The following TGM1 variants were observed in gnomAD, a reference collection of about 807,000 sequenced individuals.
TGM1 encodes the protein protein-glutamine gamma-glutamyltransferase K.
In TGM1, 63 loss-of-function variants were observed where a neutral mutation model predicts 88.7. The observed-to-expected ratio is 0.71, with a 90% confidence interval of 0.58 to 0.88. The LOEUF (loss-of-function observed/expected upper bound fraction) is 0.88, where lower values mean the gene tolerates loss of function less well. Ranked by LOEUF, TGM1 falls within the 40% of genes least tolerant of loss-of-function variation. TGM1 has a pLI of 0.00. For synonymous variants in TGM1, 415 were observed against 431.1 expected (o/e 0.96, Z 0.46); for missense variants, 996 against 1,118.0 (o/e 0.89, Z 1.56).
Position 24,255,067 on chromosome 14 carries a change from T to G in TGM1, c.1832A>C (p.Lys611Thr). The change falls in exon 12 of 15, where the codon AAA becomes ACA. Residue 611 changes from lysine to threonine, a missense_variant. Coordinates refer to ENST00000206765, the MANE Select transcript of TGM1 (RefSeq NM_000359.3). The surrounding 1 kb of genome is among the most constrained non-coding windows in gnomAD (Gnocchi z 4.0). ...AGTGACTGAGAGGTAGAGGTGCAGT[T>G]TCACTGTGCGGCGGCTGCTGCTGTG... ...INHSSSRRTVKLHLYLSVTFY... is the reference protein window; with the variant it reads ...INHSSSRRTVTLHLYLSVTFY... 1 of 1,614,116 alleles carries G rather than the reference T, an allele frequency of 6.2e-7. No homozygotes were observed. Among genetic ancestry groups the G allele is most frequent in the Non-Finnish European group, 8.5e-7 (1 of 1,180,028 alleles).
rs201774398 is a variant in TGM1, at chr14:24,262,288, G to A, written c.65C>T (p.Thr22Met). The change falls in exon 2 of 15, where the codon ACG becomes ATG. Residue 22 changes from threonine (T) to methionine (M), a missense_variant. Coordinates refer to ENST00000206765, the MANE Select transcript of TGM1 (RefSeq NM_000359.3). ...CTCTGGCTCTGGCTCTGGAGATGGC[G>A]TGGTAGGGGGCTGCAAGGGGTTGCC... ...WGGNPLQPPT[T>M]PSPEPEPEPD... 36 of 1,613,576 alleles carry A rather than the reference G, an allele frequency of 2.2e-5. No individual in the cohort carries two copies. Among genetic ancestry groups the A allele is most frequent in the Middle Eastern group, 3.3e-4 (2 of 6,084 alleles).
rs2040785658 is a variant in TGM1 at position 24,259,395 on chromosome 14, C to T, written c.985-146G>A. The T allele has an allele frequency of 1.2e-6, 1 of 822,894 alleles. No individual in the cohort carries two copies. Among genetic ancestry groups the T allele is most frequent in the East Asian group, 2.7e-5 (1 of 37,634 alleles). The allele number at this position is 822,894 out of a possible 1,614,324, so 51.0% of individuals were successfully genotyped here. ...GATCCAGACACCAGCCTGAGCTCCACCCAGCCCTTCCCTCAGCCATCTGCC... is the reference window on the plus strand; with the variant it reads ...GATCCAGACACCAGCCTGAGCTCCATCCAGCCCTTCCCTCAGCCATCTGCC... On this transcript the variant is annotated intron_variant, in intron 6 of 14. Coordinates refer to ENST00000206765, the MANE Select transcript of TGM1 (RefSeq NM_000359.3). This position sits in a 1 kb window ranked among gnomAD's most constrained non-coding sequence, Gnocchi z 5.7.
In TGM1 at chr14:24,259,652, G is replaced by C. The variant is rs962007306; in HGVS notation, c.984+52C>G. 8.2e-6 allele frequency: 12 copies of C among 1,465,134 alleles called. No homozygotes were observed. The African/African-American group carries it at 1.5e-4, about 19-fold the overall frequency. The allele number at this position is 1,465,134 out of a possible 1,614,324, so 90.8% of individuals were successfully genotyped here. A position where few individuals can be genotyped will look rare whatever the true frequency, so the allele number is the denominator to read the frequency against. On this transcript the variant is annotated intron_variant, in intron 6 of 14. Transcript: ENST00000206765. This position sits in a 1 kb window ranked among gnomAD's most constrained non-coding sequence, Gnocchi z 5.7. ...AGGGCAGGAGGAGGGTGGGGGTGTG[G>C]CGAGGCAGCAGGCACACACACAGTA... is the stretch of plus-strand genomic sequence containing the variant.
At chr14:24,254,512 G>A (rs1280988553) in intron 13 of TGM1, 152 bp downstream of exon 13, 2 of 1,278,900 alleles carry the variant, frequency 1.6e-6, no homozygotes, top group Non-Finnish European at 2.2e-6. Context: ...TGCTACAGAT[G>A]AGGAAACTGA....
chr14:24,261,305 A>T (rs1878124587), intron 3 of TGM1, among the ~76,000 whole-genome samples: 1 of 152,140 alleles, frequency 6.6e-6, no homozygotes, highest in Non-Finnish European at 1.5e-5. Flanking sequence ...AGAGACAGAG[A>T]GAGACAGAAT....
chr14:24,251,334 A>G (rs1380983154), intron 14 of TGM1, among the ~76,000 whole-genome samples: 1 of 152,226 alleles, frequency 6.6e-6, no homozygotes, highest in African/African-American at 2.4e-5. Context: ...TCAAGCTCAG[A>G]CCAGCCCTCA....
In TGM1 at chr14:24,258,564, G is replaced by A. The variant is rs572832245; in HGVS notation, c.1269C>T (p.Pro423=). ...MDIYFDENMK[P]LEHLNHDSVW... ...CAGAATCATGGTTCAGGTGCTCCAG[G>A]GGCTTCATGTTCTCGTCGAAGTAGA... The change falls in exon 8 of 15, where the codon CCC becomes CCT. Residue 423 remains proline, a synonymous_variant. Coordinates refer to ENST00000206765, the MANE Select transcript of TGM1 (RefSeq NM_000359.3). The A allele has an allele frequency of 6.2e-7, 1 of 1,614,176 alleles. No individual in the cohort carries two copies. The highest frequency in any genetic ancestry group is 1.7e-5 in the Admixed American group (1 of 60,020).
rs1306930490 is a variant in TGM1, at chr14:24,254,838, G to C, written c.1928-14C>G. 1 of 1,613,646 alleles carries C rather than the reference G, an allele frequency of 6.2e-7. No individual in the cohort carries two copies. The highest frequency in any genetic ancestry group is 1.7e-5 in the Admixed American group (1 of 60,014). On this transcript the variant is annotated splice_polypyrimidine_tract_variant and intron_variant, in intron 12 of 14. Coordinates refer to ENST00000206765, the MANE Select transcript of TGM1 (RefSeq NM_000359.3). ...TCACACGGTCCGCTGTGGAGAAGAG[G>C]CATGGCGTCACTGAGGCCTGCTTCC...
Position 24,255,412 on chromosome 14 carries a change from T to G in TGM1, c.1597A>C (p.Ser533Arg), listed in dbSNP as rs1326079836. The G allele has an allele frequency of 7.4e-6, 12 of 1,614,064 alleles. No homozygotes were observed. The highest frequency in any genetic ancestry group is 9.3e-6 in the Non-Finnish European group (11 of 1,180,044). The change falls in exon 11 of 15, where the codon AGC (serine) becomes CGC (arginine). Residue 533 changes from serine to arginine, a missense_variant. Ser to Arg is a moderately radical substitution (Grantham distance 110). Coordinates refer to ENST00000206765, the MANE Select transcript of TGM1 (RefSeq NM_000359.3). This position sits in a 1 kb window ranked among gnomAD's most constrained non-coding sequence, Gnocchi z 4.0. ...IGTLIVTKAI[S>R]SNMREDITYL... ...GTGATGTCCTCCCGCATGTTGGAGC[T>G]GATGGCCTTTGTGACAATGAGTGTG...
chr14:24,249,826 A>G (rs2040686131), intron 14 of TGM1, among the ~76,000 whole-genome samples: 1 of 152,166 alleles, frequency 6.6e-6, no homozygotes, highest in African/African-American at 2.4e-5. Flanking sequence ...ATGCCACCGC[A>G]GAGGCCTCTC....
rs199894209 is a variant in TGM1, at chr14:24,261,719, G to C, written c.484C>G (p.Arg162Gly). 6.2e-7 allele frequency: 1 copy of C among 1,613,994 alleles called. No individual in the cohort carries two copies. The highest frequency in any genetic ancestry group is 1.3e-5 in the African/African-American group (1 of 74,904). The change falls in exon 3 of 15, where the codon CGC becomes GGC. Residue 162 changes from arginine to glycine, a missense_variant. Arg to Gly is a moderately radical substitution (Grantham distance 125). Transcript: ENST00000206765. ...LLSRTYESSD[R>G]ITLELLIGNN... The stretch of plus-strand genomic sequence containing the variant: ...CCGATGAGTAACTCAAGGGTGATGC[G>C]ATCAGAGGATTCATAGGTCCGGGAC...
chr14:24,251,732 C>T lies in TGM1; in HGVS notation c.2226-2191G>A, dbSNP rs186811500. 7.2e-5 allele frequency among the ~76,000 whole-genome samples: 11 copies of T among 152,344 alleles called. No individual in the cohort carries two copies. The South Asian group carries it at 1.4e-3, about 20-fold the overall frequency. On this transcript the variant is annotated intron_variant, in intron 14 of 14. Transcript: ENST00000206765. ...GAGCCATTTAAACCATACACACAGG[C>T]GTGTGCTCAGTGATGCCACGGTCAG...
chr14:24,261,661 G>T, intron 3 of TGM1, 34 bp downstream of exon 3: 1 of 1,613,444 alleles, frequency 6.2e-7, no homozygotes, highest in Non-Finnish European at 8.5e-7. Flanking sequence ...CCAAACATAG[G>T]GCCTTCACCC....
intron 8 of TGM1, 46 bp from the exon 9 acceptor site, chr14:24,258,434 G>C (rs1260200798): frequency 6.2e-7 from 1 of 1,612,386 alleles, no homozygotes; most frequent in Admixed American, 1.7e-5. Flanking sequence ...CCAGGGTCAG[G>C]AGTCCTCAGT....
intron 3 of TGM1, among the ~76,000 whole-genome samples, chr14:24,261,455 A>C (rs983639903): frequency 1.1e-4 from 16 of 152,184 alleles, no homozygotes; most frequent in Non-Finnish European, 1.9e-4. Flanking sequence ...GGCCCTGAAG[A>C]GGAGTACTCT....
At position 24,262,133 on chromosome 14, in the gene TGM1, T is replaced by G. The variant is rs565811853; in HGVS notation, c.220A>C (p.Ser74Arg). The change falls in exon 2 of 15, where the codon AGC (serine) becomes CGC (arginine). Residue 74 changes from serine (S) to arginine (R), a missense_variant. Transcript: ENST00000206765. ...EPSDSRGRGSSSGTRRPGSRG... is the reference protein window; with the variant it reads ...EPSDSRGRGSRSGTRRPGSRG... ...GAGCCAGGTCTTCGAGTGCCAGAGCTGGACCCTCGACCCCTGGAGTCAGAG... is the reference window on the plus strand; with the variant it reads ...GAGCCAGGTCTTCGAGTGCCAGAGCGGGACCCTCGACCCCTGGAGTCAGAG... The G allele has an allele frequency of 1.5e-5, 25 of 1,613,678 alleles. 1 individual carries two copies. The African/African-American group carries it at 2.1e-4, about 14-fold the overall frequency.
rs748234923 is a variant in TGM1 at position 24,262,102 on chromosome 14, C to G, written c.251G>C (p.Gly84Ala). 1 of 1,613,570 alleles carries G rather than the reference C, an allele frequency of 6.2e-7. No homozygotes were observed. Among genetic ancestry groups the G allele is most frequent in the East Asian group, 2.2e-5 (1 of 44,888 alleles). The change falls in exon 2 of 15, where the codon GGC becomes GCC. Residue 84 changes from glycine (G) to alanine (A), a missense_variant. Transcript: ENST00000206765. ...GGATACAGGCCGGCGGGAGTCTGAG[C>G]CCCGGGAGCCAGGTCTTCGAGTGCC... ...SSGTRRPGSR[G>A]SDSRRPVSRG...
At position 24,256,119 on chromosome 14, in the gene TGM1, C is replaced by T. The variant is rs377387575; in HGVS notation, c.1403-42G>A. The T allele has an allele frequency of 7.4e-6, 11 of 1,496,504 alleles. No individual in the cohort carries two copies. In the Admixed American group the frequency reaches 7.9e-5, roughly 11 times the overall value. 92.7% of individuals were successfully genotyped at this position (1,496,504 alleles called of 1,614,324 possible). On this transcript the variant is annotated intron_variant, in intron 9 of 14. Coordinates refer to ENST00000206765, the MANE Select transcript of TGM1 (RefSeq NM_000359.3). ...GACAGAGGCAAGAGATCTGAGAAGG[C>T]GGAGAGGGCTCTTCAGACCCTGGGT...
At chr14:24,252,956 C>G (rs1451021641) in intron 14 of TGM1, among the ~76,000 whole-genome samples, 1 of 152,200 alleles carries the variant, frequency 6.6e-6, no homozygotes, top group Non-Finnish European at 1.5e-5. Context: ...AGCCGCAGGC[C>G]CAGGAACACA....
Sources: gnomAD v4.1 joint callset for allele counts (sites outside exome capture counted in the v4.1 genomes callset) on GRCh38, gnomAD v4.1.1 for gene constraint, Gnocchi (gnomAD v3.1) non-coding constraint, MANE v1.5 for transcripts, NCBI Gene and HGNC (gene_info 2026-07-23, HGNC 2026-07-21) for gene names.